Variants in MEI4 observed in about 807,000 individuals in gnomAD.
The protein encoded by MEI4 is meiotic double-stranded break formation protein 4, also known as meiosis-specific protein MEI4.
In MEI4, 27 loss-of-function variants were observed where a neutral mutation model predicts 31.4. The observed-to-expected ratio is 0.86, with a 90% CI of 0.63 to 1.19. The LOEUF (loss-of-function observed/expected upper bound fraction) is 1.19, where lower values mean the gene tolerates loss of function less well. Ranked by LOEUF, MEI4 falls within the 50% of genes most tolerant of loss-of-function variation. The pLI is 0.00. For synonymous variants in MEI4, 122 were observed against 145.4 expected, an observed-to-expected ratio of 0.84 and a Z score of 1.16; for missense variants, 329 against 398.9, an observed-to-expected ratio of 0.82 and a Z score of 1.49.
chr6:77,859,063 C>T (rs1193804061), intron 4 of MEI4, among the ~76,000 whole-genome samples: 3 of 152,144 alleles, frequency 2.0e-5, no homozygotes, highest in Non-Finnish European at 4.4e-5. Context: ...TGTTGTTCCC[C>T]TGTCTGTGAC....
intron 1 of MEI4, among the ~76,000 whole-genome samples, chr6:77,676,211 TCATG>T (rs1362170047): frequency 1.3e-5 from 2 of 152,174 alleles, no homozygotes; most frequent in Non-Finnish European, 2.9e-5. Flanking sequence ...TTATCCATCA[TCATG>T]GCCTCAATTA....
At chr6:77,787,489 C>G (rs1271428621) in intron 3 of MEI4, among the ~76,000 whole-genome samples, 1 of 152,166 alleles carries the variant, frequency 6.6e-6, no homozygotes, top group Non-Finnish European at 1.5e-5. Context: ...GCCATGTGAT[C>G]TGGCTCCAAC....
At chr6:77,743,766 CA>C (rs1156739142) in intron 2 of MEI4, among the ~76,000 whole-genome samples, 1 of 152,160 alleles carries the variant, frequency 6.6e-6, no homozygotes, top group East Asian at 1.9e-4. Flanking sequence ...TCCTCTGAGA[CA>C]AAACTTCCAG....
At chr6:77,880,260 T>C (rs1771450333) in intron 4 of MEI4, among the ~76,000 whole-genome samples, 1 of 150,452 alleles carries the variant, frequency 6.6e-6, no homozygotes, top group Admixed American at 6.6e-5. Flanking sequence ...AGACAGAGTC[T>C]CACTGTGTCG....
chr6:77,733,478 G>A lies in MEI4; in HGVS notation c.233-27652G>A, dbSNP rs556530684. ...TCTGTGTGATCGGTGGTGGTATCCC[G>A]TTTATCATTTTTTATTGTGTCTATT... is the stretch of plus-strand genomic sequence containing the variant. On this transcript the variant is annotated intron_variant, in intron 2 of 4. Transcript: ENST00000684080. Among the ~76,000 whole-genome samples the A allele has an allele frequency of 1.5e-3, 223 of 151,772 alleles. 2 individuals carry two copies. The highest frequency in any genetic ancestry group is 4.7e-3 in the African/African-American group (194 of 41,348).
At chr6:77,690,499 T>C (rs991458443) in intron 1 of MEI4, among the ~76,000 whole-genome samples, 159 bp from the exon 2 acceptor site, 14 of 152,104 alleles carry the variant, frequency 9.2e-5, no homozygotes, top group African/African-American at 1.7e-4. Context: ...AATTTTCTCA[T>C]ACTGTTTTCA....
chr6:77,660,767 G>A (rs1768489821), intron 1 of MEI4, among the ~76,000 whole-genome samples: 1 of 152,160 alleles, frequency 6.6e-6, no homozygotes, highest in African/African-American at 2.4e-5. Flanking sequence ...GCTGTCCGAT[G>A]GACACAGCTT....
intron 4 of MEI4, among the ~76,000 whole-genome samples, chr6:77,874,602 TCTC>T (rs1215604896): frequency 2.6e-5 from 4 of 152,108 alleles, no homozygotes; most frequent in African/African-American, 9.7e-5. Flanking sequence ...TTTATTTCCT[TCTC>T]CTGCCTAATT....
At chr6:77,875,197 T>C (rs1339206902) in intron 4 of MEI4, among the ~76,000 whole-genome samples, 3 of 152,200 alleles carry the variant, frequency 2.0e-5, no homozygotes, top group Non-Finnish European at 4.4e-5. Context: ...CAGTATTCTA[T>C]TTGTTTTCTT....
intron 4 of MEI4, among the ~76,000 whole-genome samples, chr6:77,850,563 T>C (rs1285283643): frequency 6.6e-6 from 1 of 152,220 alleles, no homozygotes; most frequent in Non-Finnish European, 1.5e-5. Flanking sequence ...CAAATGGTGC[T>C]GGGAAGACTG....
intron 4 of MEI4, among the ~76,000 whole-genome samples, chr6:77,853,708 C>T (rs1770685641): frequency 6.6e-6 from 1 of 152,082 alleles, no homozygotes; most frequent in Non-Finnish European, 1.5e-5. Context: ...CCTGTATCCC[C>T]TCACATGTAT....
At chr6:77,650,657 T>C (rs1050702206), upstream of MEI4, among the ~76,000 whole-genome samples, 5 of 152,268 alleles carry the variant, frequency 3.3e-5, no homozygotes, top group African/African-American at 7.2e-5. Flanking sequence ...TGTGGACCAC[T>C]CGTCCCTTTC....
At chr6:77,790,684 T>C (rs1451568247) in intron 3 of MEI4, among the ~76,000 whole-genome samples, 1 of 152,138 alleles carries the variant, frequency 6.6e-6, no homozygotes, top group Non-Finnish European at 1.5e-5. Flanking sequence ...GAAAATTATT[T>C]TGAGACTCAT....
At chr6:77,903,538 A>G (rs772935824) in intron 4 of MEI4, among the ~76,000 whole-genome samples, 11 of 152,264 alleles carry the variant, frequency 7.2e-5, no homozygotes, top group Non-Finnish European at 1.3e-4. Context: ...TTCAAATGTA[A>G]TCCCATTGTA....
intron 4 of MEI4, among the ~76,000 whole-genome samples, chr6:77,879,296 C>G (rs909705643): frequency 1.3e-5 from 2 of 152,100 alleles, no homozygotes; most frequent in African/African-American, 4.8e-5. Flanking sequence ...ATTTCTAAAA[C>G]TGAGTCAAGC....
At chr6:77,780,502 G>A (rs1468627891) in intron 3 of MEI4, among the ~76,000 whole-genome samples, 1 of 152,144 alleles carries the variant, frequency 6.6e-6, no homozygotes, top group Non-Finnish European at 1.5e-5. Flanking sequence ...GAATATCGGA[G>A]TCTGAGTATG....
intron 1 of MEI4, among the ~76,000 whole-genome samples, chr6:77,672,258 TTG>T (rs1768760189): frequency 6.6e-6 from 1 of 152,212 alleles, no homozygotes; most frequent in Non-Finnish European, 1.5e-5. Flanking sequence ...TGTTCAATGT[TTG>T]CACATCTATC....
At chr6:77,711,761 CTGTT>C (rs1766471151) in intron 2 of MEI4, among the ~76,000 whole-genome samples, 1 of 152,156 alleles carries the variant, frequency 6.6e-6, no homozygotes, top group South Asian at 2.1e-4. Flanking sequence ...CAGAAGTAGA[CTGTT>C]TCTTCTACTC....
chr6:77,802,308 T>C (rs1769287184), intron 3 of MEI4, among the ~76,000 whole-genome samples: 1 of 152,186 alleles, frequency 6.6e-6, no homozygotes, highest in Non-Finnish European at 1.5e-5. Context: ...CCTTTGTTTG[T>C]TTTCCATTTG....
Sources: gnomAD v4.1 joint callset for allele counts (sites outside exome capture counted in the v4.1 genomes callset) on GRCh38, gnomAD v4.1.1 for gene constraint, MANE v1.5 for transcripts, NCBI Gene and HGNC (gene_info 2026-07-23, HGNC 2026-07-21) for gene names.